Variants in LRRC8D observed in about 807,000 individuals in gnomAD.
LRRC8D encodes the protein volume-regulated anion channel subunit LRRC8D.
A neutral mutation model predicts 55.8 loss-of-function variants in LRRC8D; 20 were observed. That is an observed-to-expected ratio of 0.36 (90% CI 0.25 to 0.52). LRRC8D has a LOEUF of 0.52. Among genes scored for constraint, LRRC8D ranks in the 20% least tolerant of loss-of-function variants. The pLI is 0.93. For missense variants in LRRC8D, 651 were observed against 1,030.8 expected (o/e 0.63, Z 5.05); for synonymous variants, 352 against 377.0 (o/e 0.93, Z 0.77).
intron 2 of LRRC8D, among the ~76,000 whole-genome samples, chr1:89,888,010 T>G (rs1432975528): frequency 6.6e-6 from 1 of 152,172 alleles, no homozygotes; most frequent in African/African-American, 2.4e-5. Flanking sequence ...CGTGACACTG[T>G]GCATTTGTCA....
At chr1:89,923,234 C>T (rs142469477) in intron 2 of LRRC8D, among the ~76,000 whole-genome samples, 104 of 152,220 alleles carry the variant, frequency 6.8e-4, no homozygotes, top group South Asian at 3.9e-3. Flanking sequence ...AATCCACTTC[C>T]GCATAATGTA....
chr1:89,919,234 G>T (rs1231085977), intron 2 of LRRC8D, among the ~76,000 whole-genome samples: 1 of 152,142 alleles, frequency 6.6e-6, no homozygotes, highest in Non-Finnish European at 1.5e-5. Flanking sequence ...CTAACTTTGA[G>T]AACTTTTTGA....
intron 1 of LRRC8D, among the ~76,000 whole-genome samples, chr1:89,841,390 A>G (rs1159314818): frequency 2.1e-5 from 2 of 93,268 alleles, no homozygotes; most frequent in Non-Finnish European, 4.3e-5. Flanking sequence ...CAGTATTGTC[A>G]AGACCACCCC....
At chr1:89,895,508 A>T (rs1317832892) in intron 2 of LRRC8D, among the ~76,000 whole-genome samples, 1 of 152,156 alleles carries the variant, frequency 6.6e-6, no homozygotes, top group Non-Finnish European at 1.5e-5. Flanking sequence ...TACGTACCAC[A>T]TGTATCTTCT....
intron 2 of LRRC8D, among the ~76,000 whole-genome samples, chr1:89,898,895 G>A (rs1662778863): frequency 6.6e-6 from 1 of 152,216 alleles, no homozygotes; most frequent in Admixed American, 6.5e-5. Flanking sequence ...GAAAGCCAGT[G>A]TTGAGTAACT....
chr1:89,828,904 AAGG>A (rs1226182924), intron 1 of LRRC8D, among the ~76,000 whole-genome samples: 3 of 152,340 alleles, frequency 2.0e-5, no homozygotes. Context: ...TCTGCAGAAC[AAGG>A]AGAAGAAAGG....
intron 2 of LRRC8D, among the ~76,000 whole-genome samples, chr1:89,921,524 GTTTGTTTGT>G (rs1557484854): frequency 6.8e-6 from 1 of 146,584 alleles, no homozygotes; most frequent in Non-Finnish European, 1.5e-5. Context: ...GGTTTTTTTT[GTTTGTTTGT>G]TTTGTTTTGT....
At chr1:89,917,271 A>G (rs1248001418) in intron 2 of LRRC8D, among the ~76,000 whole-genome samples, 1 of 152,136 alleles carries the variant, frequency 6.6e-6, no homozygotes, top group East Asian at 1.9e-4. Flanking sequence ...AACTACCTAC[A>G]TATATCCTTT....
chr1:89,927,277 T>C (rs969196059), intron 2 of LRRC8D, among the ~76,000 whole-genome samples: 1 of 152,284 alleles, frequency 6.6e-6, no homozygotes, highest in South Asian at 2.1e-4. Flanking sequence ...CAGCTGTTTC[T>C]GCGGCAGCTT....
intron 2 of LRRC8D, among the ~76,000 whole-genome samples, chr1:89,889,891 A>C (rs1356788932): frequency 2.6e-5 from 4 of 151,546 alleles, no homozygotes; most frequent in Non-Finnish European, 4.4e-5. Flanking sequence ...TGAAAAAAAA[A>C]CATAAAATAA....
At chr1:89,892,800 G>A (rs577576739) in intron 2 of LRRC8D, among the ~76,000 whole-genome samples, 4 of 152,292 alleles carry the variant, frequency 2.6e-5, no homozygotes, top group African/African-American at 9.6e-5. Context: ...GATTACAGGC[G>A]TGAGCCACTG....
At chr1:89,862,924 C>T (rs12045824) in intron 2 of LRRC8D, among the ~76,000 whole-genome samples, 19,264 of 151,990 alleles carry the variant, frequency 0.13, 1,422 homozygotes, top group East Asian at 0.33. Flanking sequence ...TATTCAAGGC[C>T]TTGTTTTTAT....
chr1:89,900,885 A>G (rs748461334), intron 2 of LRRC8D, among the ~76,000 whole-genome samples: 3 of 152,202 alleles, frequency 2.0e-5, no homozygotes, highest in Admixed American at 6.5e-5. Flanking sequence ...TCACAAAGCC[A>G]GGTATCCAAT....
rs1484168800 is a variant in LRRC8D at position 89,852,137 on chromosome 1, C to T, written c.-3+8355C>T. On this transcript the variant is annotated intron_variant, in intron 2 of 2. Coordinates refer to ENST00000337338, the MANE Select transcript of LRRC8D (RefSeq NM_001134479.2). ...TCATAATATAGAATGTTCTAGGGTC[C>T]GAAACCTGCTGAGACGGATAAGACT... Among the ~76,000 whole-genome samples, 7 of 152,088 alleles carry T rather than the reference C, an allele frequency of 4.6e-5. No homozygotes were observed. The East Asian group carries it at 1.2e-3, about 25-fold the overall frequency.
chr1:89,840,954 A>G (rs1661116918), intron 1 of LRRC8D, among the ~76,000 whole-genome samples: 1 of 152,238 alleles, frequency 6.6e-6, no homozygotes, highest in African/African-American at 2.4e-5. Flanking sequence ...AAAACATGGT[A>G]ATAATTGACA....
intron 1 of LRRC8D, 174 bp from the exon 2 acceptor site, chr1:89,843,464 C>G: frequency 2.3e-6 from 1 of 426,088 alleles, no homozygotes; most frequent in African/African-American, 2.1e-5. Flanking sequence ...CGGCACCACG[C>G]GGGCAGCCGG....
At chr1:89,928,903 G>T (rs886097325) in intron 2 of LRRC8D, among the ~76,000 whole-genome samples, 2 of 152,150 alleles carry the variant, frequency 1.3e-5, no homozygotes, top group African/African-American at 4.8e-5. Context: ...GTTCATTCTT[G>T]CATAGATCCA....
At chr1:89,860,222 C>T (rs1661667121) in intron 2 of LRRC8D, among the ~76,000 whole-genome samples, 2 of 152,180 alleles carry the variant, frequency 1.3e-5, no homozygotes, top group African/African-American at 4.8e-5. Context: ...AGAAAATGTA[C>T]AATTTAAGCT....
intron 2 of LRRC8D, among the ~76,000 whole-genome samples, chr1:89,851,112 A>G (rs897269927): frequency 2.8e-5 from 4 of 141,708 alleles, no homozygotes; most frequent in East Asian, 2.1e-4. Flanking sequence ...GTTAGCAGTT[A>G]TGGCTCCCTT....
Sources: allele counts gnomAD v4.1 joint callset (sites outside exome capture counted in the v4.1 genomes callset), GRCh38; gene constraint gnomAD v4.1.1; transcripts MANE v1.5; gene names NCBI Gene and HGNC (gene_info 2026-07-23, HGNC 2026-07-21).